Variants in HERC1 observed in about 807,000 individuals in gnomAD.
The protein encoded by HERC1 is probable E3 ubiquitin-protein ligase HERC1.
A neutral mutation model predicts 554.3 loss-of-function variants in HERC1; 160 were observed. That is an observed-to-expected ratio of 0.29 (90% CI 0.25 to 0.33). HERC1 has a LOEUF of 0.33. Among genes scored for constraint, HERC1 ranks in the 10% least tolerant of loss-of-function variants. The pLI is 1.00. For synonymous variants in HERC1, 2,175 were observed against 2,131.7 expected, an observed-to-expected ratio of 1.02 and a Z score of -0.56; for missense variants, 4,919 against 5,918.5, an observed-to-expected ratio of 0.83 and a Z score of 5.54.
At chr15:63,772,386 A>G (rs567660579) in intron 2 of HERC1, among the ~76,000 whole-genome samples, 1 of 152,168 alleles carries the variant, frequency 6.6e-6, no homozygotes, top group South Asian at 2.1e-4. Flanking sequence ...ATATTGTGCA[A>G]TGATTAATAT....
chr15:63,815,162 C>T (rs2077452995), intron 1 of HERC1, among the ~76,000 whole-genome samples: 1 of 152,212 alleles, frequency 6.6e-6, no homozygotes, highest in Non-Finnish European at 1.5e-5. Flanking sequence ...CAACTCTCCA[C>T]ATTCGTCTCT....
chr15:63,747,677 C>A, intron 11 of HERC1, 47 bp downstream of exon 11: 1 of 1,130,054 alleles, frequency 8.8e-7, no homozygotes, highest in Non-Finnish European at 1.3e-6. Context: ...TGCACACACG[C>A]GCGCGCACAC....
At chr15:63,753,430 T>C (rs2075315428) in intron 7 of HERC1, among the ~76,000 whole-genome samples, 1 of 152,190 alleles carries the variant, frequency 6.6e-6, no homozygotes, top group Non-Finnish European at 1.5e-5. Flanking sequence ...ACTATATGCG[T>C]ATAATTTTTC....
rs1199030710 is a variant in HERC1 at position 63,718,448 on chromosome 15, G to C, written c.3978+126C>G. 6.8e-6 allele frequency: 5 copies of C among 740,344 alleles called. No individual in the cohort carries two copies. The highest frequency in any genetic ancestry group is 9.9e-6 in the Non-Finnish European group (5 of 504,222). The allele number at this position is 740,344 out of a possible 1,614,324, so 45.9% of individuals were successfully genotyped here. A position where few individuals can be genotyped will look rare whatever the true frequency, so the allele number is the denominator to read the frequency against. Reference sequence around the variant, plus strand: ...CCTTTTTTTTTTTCTGCTAGGAAAAGAACTACTCAACATGTATTGAACATA... The same window carrying C: ...CCTTTTTTTTTTTCTGCTAGGAAAACAACTACTCAACATGTATTGAACATA... On this transcript the variant is annotated intron_variant, in intron 21 of 77. Transcript: ENST00000443617. This position sits in a 1 kb window ranked among gnomAD's most constrained non-coding sequence, Gnocchi z 4.2.
At chr15:63,736,644 T>C (rs2074518093) in intron 12 of HERC1, among the ~76,000 whole-genome samples, 2 of 151,832 alleles carry the variant, frequency 1.3e-5, no homozygotes, top group South Asian at 4.2e-4. Flanking sequence ...GTCTTGCTCT[T>C]GTCACCCAGG....
chr15:63,750,996 A>C (rs1181233008), intron 8 of HERC1, among the ~76,000 whole-genome samples: 1 of 152,232 alleles, frequency 6.6e-6, no homozygotes, highest in African/African-American at 2.4e-5. Context: ...TTACTTAAGT[A>C]TAGAATGCAA....
rs79704534 is a variant in HERC1, at chr15:63,663,532, T to G, written c.8681-328A>C. ...GTGCAATGGCACAATCCCAGCTCAC[T>G]GTAACCCTGAACCCCTGGGCTCAAG... On this transcript the variant is annotated intron_variant, in intron 43 of 77. Transcript: ENST00000443617. Among the ~76,000 whole-genome samples the G allele has an allele frequency of 0.012, 1,880 of 152,356 alleles. 36 individuals are homozygous for G. Among genetic ancestry groups the G allele is most frequent in the African/African-American group, 0.043 (1,802 of 41,572 alleles).
At chr15:63,710,503 G>A (rs1218853158) in intron 24 of HERC1, among the ~76,000 whole-genome samples, 4 of 152,142 alleles carry the variant, frequency 2.6e-5, no homozygotes, top group Non-Finnish European at 5.9e-5. Flanking sequence ...TATTATAGGT[G>A]CTTGGGATAC....
intron 19 of HERC1, among the ~76,000 whole-genome samples, chr15:63,721,772 A>C (rs2073832402): frequency 6.6e-6 from 1 of 152,246 alleles, no homozygotes; most frequent in Non-Finnish European, 1.5e-5. Context: ...GATTCTGAAC[A>C]ATCCCGATCA....
chr15:63,751,595 G>C (rs1184070708), intron 8 of HERC1, among the ~76,000 whole-genome samples: 1 of 152,184 alleles, frequency 6.6e-6, no homozygotes, highest in Non-Finnish European at 1.5e-5. Flanking sequence ...ATGGTGGGAA[G>C]TCAGTACAGA....
chr15:63,770,451 A>G (rs1307113458), intron 2 of HERC1, among the ~76,000 whole-genome samples: 1 of 152,162 alleles, frequency 6.6e-6, no homozygotes, highest in Admixed American at 6.5e-5. Context: ...AAGCTTATTC[A>G]TCTTTTTAAC....
At chr15:63,630,270 T>C (rs2068487452) in intron 69 of HERC1, among the ~76,000 whole-genome samples, 196 bp downstream of exon 69, 2 of 152,184 alleles carry the variant, frequency 1.3e-5, no homozygotes, top group Admixed American at 1.3e-4. Flanking sequence ...TTTTAAACCA[T>C]GGTATAATAC....
At chr15:63,689,565 T>C (rs551959650) in intron 33 of HERC1, 24 bp downstream of exon 33, 4 of 1,306,960 alleles carry the variant, frequency 3.1e-6, no homozygotes, top group Non-Finnish European at 4.3e-6. Context: ...TGTTAAGAAA[T>C]ACCTTTTAGG....
chr15:63,629,917 G>A (rs2068471890), intron 69 of HERC1, among the ~76,000 whole-genome samples: 1 of 151,936 alleles, frequency 6.6e-6, no homozygotes, highest in Admixed American at 6.6e-5. Context: ...AATAGAGGAG[G>A]GTGAATACAT....
At chr15:63,683,393 GATAAA>G (rs1160632450) in intron 34 of HERC1, among the ~76,000 whole-genome samples, 4 of 152,116 alleles carry the variant, frequency 2.6e-5, no homozygotes, top group Non-Finnish European at 4.4e-5. Flanking sequence ...GGAAAACAGA[GATAAA>G]ATAAAAGAGA....
rs756006394 is a variant in HERC1, at chr15:63,758,218, A to G, written c.1178T>C (p.Ile393Thr). ...HQLVEGTQEK[I>T]LQPKLAPSFS... ...ACTAGGAGCCAGTTTGGGTTGCAGT[A>G]TTTTCTCCTGTGTACCTTCTACCAA... Residue 393 changes from isoleucine to threonine, a missense_variant, in exon 4 of 78, where the codon ATA becomes ACA. Ile to Thr is a moderately conservative substitution (Grantham distance 89, BLOSUM62 -1). This residue lies in a region of HERC1 where 744 missense variants were observed against 1,090.0 expected (regional missense o/e 0.68). Transcript: ENST00000443617. The surrounding 1 kb of genome is among the most constrained non-coding windows in gnomAD (Gnocchi z 4.0). 6.2e-7 allele frequency: 1 copy of G among 1,613,054 alleles called. No individual in the cohort carries two copies. The highest frequency in any genetic ancestry group is 8.5e-7 in the Non-Finnish European group (1 of 1,179,180).
chr15:63,645,718 A>C lies in HERC1; in HGVS notation c.10879-36T>G. ...AAGGAAGAGAAAAAAAATCAGAGTA[A>C]TGTTTCCTTCACAAATACTTTAAAT... On this transcript the variant is annotated intron_variant, in intron 55 of 77. Transcript: ENST00000443617. 3 of 1,240,406 alleles carry C rather than the reference A, an allele frequency of 2.4e-6. No individual in the cohort carries two copies. In the South Asian group the frequency reaches 4.8e-5, roughly 20 times the overall value. 76.8% of individuals were successfully genotyped at this position (1,240,406 alleles called of 1,614,324 possible). A position where few individuals can be genotyped will look rare whatever the true frequency, so the allele number is the denominator to read the frequency against.
chr15:63,787,367 G>C (rs1422856943), intron 1 of HERC1, among the ~76,000 whole-genome samples: 1 of 151,654 alleles, frequency 6.6e-6, no homozygotes, highest in Non-Finnish European at 1.5e-5. Flanking sequence ...ATGTTGGCTA[G>C]GCTGGTCTCA....
At chr15:63,781,877 A>C (rs2076299202) in intron 1 of HERC1, among the ~76,000 whole-genome samples, 1 of 152,210 alleles carries the variant, frequency 6.6e-6, no homozygotes, top group South Asian at 2.1e-4. Flanking sequence ...TTTTCCTGAT[A>C]TGGGGAAAGT....
Sources: allele counts gnomAD v4.1 joint callset (sites outside exome capture counted in the v4.1 genomes callset), GRCh38; gene constraint gnomAD v4.1.1; regional missense constraint gnomAD v4.1.1; non-coding constraint Gnocchi (gnomAD v3.1); transcripts MANE v1.5; gene names NCBI Gene and HGNC (gene_info 2026-07-23, HGNC 2026-07-21).